Variants in NRCAM observed in about 807,000 individuals in gnomAD.
The protein encoded by NRCAM is neuronal cell adhesion molecule.
In NRCAM, 83 loss-of-function variants were observed where a neutral mutation model predicts 156.5. The ratio of observed to expected loss-of-function variants is 0.53; its 90% CI spans 0.44 to 0.64. The LOEUF is 0.64. Ranked by LOEUF, NRCAM falls within the 30% of genes least tolerant of loss-of-function variation. The pLI, the probability that NRCAM is intolerant of heterozygous loss-of-function variation, is 0.00. For synonymous variants in NRCAM, 538 were observed against 563.9 expected, an observed-to-expected ratio of 0.95 and a Z score of 0.65; for missense variants, 1,417 against 1,597.3, an observed-to-expected ratio of 0.89 and a Z score of 1.92.
In NRCAM at chr7:108,178,047, C is replaced by T; in HGVS notation, c.2917G>A (p.Asp973Asn). 1 of 1,613,536 alleles carries T rather than the reference C, an allele frequency of 6.2e-7. No individual in the cohort carries two copies. The highest frequency in any genetic ancestry group is 8.5e-7 in the Non-Finnish European group (1 of 1,179,598). The change falls in exon 26 of 33, where the codon GAT becomes AAT. Residue 973 changes from aspartate to asparagine, a missense_variant. Asp to Asn is a conservative substitution (Grantham distance 23). Transcript: ENST00000379028. ...ATGCCATTCGGGTGGCTCGGTGGAT[C>T]CCATTCCAAAGTGAGAGAGTCCAGT... ...PTLDSLTLEW[D>N]PPSHPNGILT...
chr7:108,232,662 T>A (rs373934145), intron 6 of NRCAM, 140 bp from the exon 7 acceptor site: 42 of 548,300 alleles, frequency 7.7e-5, no homozygotes, highest in Non-Finnish European at 1.1e-4. Flanking sequence ...AGCCCTCATA[T>A]CTAAAATGTT....
chr7:108,202,367 C>T (rs1281874359), intron 13 of NRCAM, among the ~76,000 whole-genome samples: 2 of 152,120 alleles, frequency 1.3e-5, no homozygotes, highest in Admixed American at 6.5e-5. Context: ...TTTACATTTA[C>T]TGCATAATTT....
chr7:108,418,762 AT>A (rs1396860483), intron 1 of NRCAM, among the ~76,000 whole-genome samples: 1 of 152,236 alleles, frequency 6.6e-6, no homozygotes, highest in Non-Finnish European at 1.5e-5. Context: ...TAATTTCAAC[AT>A]TTTAATACAA....
At chr7:108,373,818 G>C (rs2099644313) in intron 2 of NRCAM, among the ~76,000 whole-genome samples, 1 of 152,140 alleles carries the variant, frequency 6.6e-6, no homozygotes, top group Admixed American at 6.6e-5. Context: ...ACTTCCTAAG[G>C]GGTAGGGAAT....
At chr7:108,381,667 C>G (rs935252755) in intron 2 of NRCAM, among the ~76,000 whole-genome samples, 9 of 150,708 alleles carry the variant, frequency 6.0e-5, no homozygotes, top group Admixed American at 2.0e-4. Context: ...TCAAGAGATT[C>G]TCCTGCCTCA....
intron 1 of NRCAM, among the ~76,000 whole-genome samples, chr7:108,401,915 T>C (rs2099793909): frequency 6.6e-6 from 1 of 152,226 alleles, no homozygotes. Context: ...GTCTCCATGG[T>C]GTGGTGCTTT....
chr7:108,346,677 A>G (rs2099356868), intron 2 of NRCAM, among the ~76,000 whole-genome samples: 1 of 152,164 alleles, frequency 6.6e-6, no homozygotes, highest in Admixed American at 6.5e-5. Flanking sequence ...AGATTTGGGA[A>G]GATTAAGTGG....
chr7:108,234,836 G>A lies in NRCAM; in HGVS notation c.125-148C>T, dbSNP rs767587706. The A allele has an allele frequency of 1.4e-5, 11 of 769,284 alleles. No homozygotes were observed. The African/African-American group carries it at 1.7e-4, about 12-fold the overall frequency. 47.7% of individuals were successfully genotyped at this position (769,284 alleles called of 1,614,324 possible). A position where few individuals can be genotyped will look rare whatever the true frequency, so the allele number is the denominator to read the frequency against. ...TTCTAGTGTAGCAGCATATACTTCA[G>A]TAGATTTTTCTGCTAAAGGTCTGCT... On this transcript the variant is annotated intron_variant, in intron 5 of 32. Coordinates refer to ENST00000379028, the MANE Select transcript of NRCAM (RefSeq NM_001037132.4).
At position 108,198,261 on chromosome 7, in the gene NRCAM, T is replaced by C. The variant is rs543552260; in HGVS notation, c.1208-162A>G. ...AACCAGAACATTTTCCTTCTCAGAATTGAGTTATATATTAGCAAGGGTATG... is the reference window on the plus strand; with the variant it reads ...AACCAGAACATTTTCCTTCTCAGAACTGAGTTATATATTAGCAAGGGTATG... On this transcript the variant is annotated intron_variant, in intron 13 of 32. Transcript: ENST00000379028. Among the ~76,000 whole-genome samples, 21 of 152,294 alleles carry C rather than the reference T, an allele frequency of 1.4e-4. No individual in the cohort carries two copies. In the South Asian group the frequency reaches 3.7e-3, roughly 27 times the overall value.
At chr7:108,208,544 A>G (rs938130399) in intron 12 of NRCAM, among the ~76,000 whole-genome samples, 1 of 152,144 alleles carries the variant, frequency 6.6e-6, no homozygotes, top group Non-Finnish European at 1.5e-5. Flanking sequence ...CCGTTTTTGC[A>G]TTAATGTCTT....
intron 3 of NRCAM, among the ~76,000 whole-genome samples, chr7:108,246,114 G>C (rs976397288): frequency 6.6e-6 from 1 of 152,202 alleles, no homozygotes; most frequent in Admixed American, 6.5e-5. Context: ...TGGGGAAAAA[G>C]AGGAACGAAC....
At chr7:108,277,189 T>C (rs2097666094) in intron 3 of NRCAM, among the ~76,000 whole-genome samples, 2 of 152,282 alleles carry the variant, frequency 1.3e-5, no homozygotes, top group South Asian at 4.1e-4. Flanking sequence ...ATTTCAACCT[T>C]GGTGAATCTG....
At chr7:108,435,985 T>C (rs1037474618) in intron 1 of NRCAM, among the ~76,000 whole-genome samples, 1 of 151,998 alleles carries the variant, frequency 6.6e-6, no homozygotes, top group Non-Finnish European at 1.5e-5. Context: ...ACAAAAAAAA[T>C]TAGCCGGGCG....
At chr7:108,288,455 A>C (rs892754580) in intron 3 of NRCAM, among the ~76,000 whole-genome samples, 2 of 152,152 alleles carry the variant, frequency 1.3e-5, no homozygotes, top group Admixed American at 6.6e-5. Flanking sequence ...GAAAATGTAC[A>C]TCAGTGTAGT....
chr7:108,151,086 A>T (rs1442696804), intron 32 of NRCAM, among the ~76,000 whole-genome samples: 1 of 152,096 alleles, frequency 6.6e-6, no homozygotes, highest in Non-Finnish European at 1.5e-5. Flanking sequence ...ATTTTTGCTT[A>T]TTTCTCTGTT....
chr7:108,156,582 C>T lies in NRCAM; in HGVS notation c.3677+2881G>A, dbSNP rs145952099. ...TTTGGCCACCAGTGAGGTTCTATCCCTCTTTGCACTATGAAATATCATCTG... is the reference window on the plus strand; with the variant it reads ...TTTGGCCACCAGTGAGGTTCTATCCTTCTTTGCACTATGAAATATCATCTG... On this transcript the variant is annotated intron_variant, in intron 32 of 32. Transcript: ENST00000379028. The T allele has an allele frequency of 4.0e-3, 672 of 167,394 alleles. 3 individuals carry two copies. The highest frequency in any genetic ancestry group is 6.6e-3 in the Non-Finnish European group (539 of 81,880). The allele number at this position is 167,394 out of a possible 1,614,324, so 10.4% of individuals were successfully genotyped here.
rs571093571 is a variant in NRCAM at position 108,148,399 on chromosome 7, A to G, written c.*1511T>C. 6.5e-6 allele frequency: 1 copy of G among 152,800 alleles called. No homozygotes were observed. Among genetic ancestry groups the G allele is most frequent in the East Asian group, 1.9e-4 (1 of 5,194 alleles). The allele number at this position is 152,800 out of a possible 1,614,324, so 9.5% of individuals were successfully genotyped here. A position where few individuals can be genotyped will look rare whatever the true frequency, so the allele number is the denominator to read the frequency against. Reference sequence around the variant, plus strand: ...TTCAACAAAATATCTACATATAAAAAGCTTTACTTAAAATTAAACTTGATG... The same window carrying G: ...TTCAACAAAATATCTACATATAAAAGGCTTTACTTAAAATTAAACTTGATG... On this transcript the variant is annotated 3_prime_UTR_variant, in exon 33 of 33. Transcript: ENST00000379028.
chr7:108,377,281 A>G (rs1343547474), intron 2 of NRCAM, among the ~76,000 whole-genome samples: 3 of 152,230 alleles, frequency 2.0e-5, no homozygotes, highest in Non-Finnish European at 4.4e-5. Context: ...AAACTCACTT[A>G]GCAAACAAAA....
chr7:108,400,695 C>G (rs1031609270), intron 1 of NRCAM, among the ~76,000 whole-genome samples: 12 of 152,002 alleles, frequency 7.9e-5, no homozygotes, highest in African/African-American at 2.4e-5. Flanking sequence ...ACTTTAGAAC[C>G]CTATAAATAG....
Sources: allele counts gnomAD v4.1 joint callset (sites outside exome capture counted in the v4.1 genomes callset), GRCh38; gene constraint gnomAD v4.1.1; transcripts MANE v1.5; gene names NCBI Gene and HGNC (gene_info 2026-07-23, HGNC 2026-07-21).